Variants in KCNQ1 observed in about 807,000 individuals in gnomAD.
KCNQ1 encodes the protein potassium voltage-gated channel subfamily Q member 1, also known as potassium voltage-gated channel subfamily KQT member 1.
KCNQ1 carries 49 observed loss-of-function variants against 72.4 expected under a neutral mutation model. That is an observed-to-expected ratio of 0.68 (90% CI 0.54 to 0.86). The LOEUF is 0.86. Ranked by LOEUF, KCNQ1 falls within the 40% of genes least tolerant of loss-of-function variation. KCNQ1 has a pLI of 0.00. For synonymous variants in KCNQ1, 450 were observed against 412.6 expected (o/e 1.09, Z -1.10); for missense variants, 790 against 945.1 (o/e 0.84, Z 2.15).
At position 2,479,064 on chromosome 11, in the gene KCNQ1, G is replaced by GC. The variant is rs60502601; in HGVS notation, c.386+33581dup. 0.095 allele frequency among the ~76,000 whole-genome samples: 14,457 copies of GC among 152,258 alleles called. 901 individuals are homozygous for GC. Among genetic ancestry groups the GC allele is most frequent in the East Asian group, 0.24 (1,256 of 5,162 alleles). ...TGTCTCACATCTAGGTCATGCTGAT[G>GC]CAAGAGGTGGGTTCCCATAGTCTTG... On this transcript the variant is annotated intron_variant, in intron 1 of 15. Coordinates refer to ENST00000155840, the MANE Select transcript of KCNQ1 (RefSeq NM_000218.3). This position sits in a 1 kb window ranked among gnomAD's most constrained non-coding sequence, Gnocchi z 4.6.
At chr11:2,529,148 G>A (rs17741518) in intron 2 of KCNQ1, among the ~76,000 whole-genome samples, 563 of 152,282 alleles carry the variant, frequency 3.7e-3, no homozygotes, top group Middle Eastern at 6.8e-3. Context: ...TGGAGGGGCC[G>A]TCTTCTCTGT....
chr11:2,514,093 C>A (rs1847250557), intron 1 of KCNQ1, among the ~76,000 whole-genome samples: 1 of 152,222 alleles, frequency 6.6e-6, no homozygotes. Flanking sequence ...ACCTGAGCTG[C>A]CCTCAGCTCC....
intron 11 of KCNQ1, among the ~76,000 whole-genome samples, chr11:2,761,995 C>T (rs547410444): frequency 2.5e-4 from 38 of 152,346 alleles, no homozygotes; most frequent in South Asian, 4.1e-4. Context: ...GATGTGGGGC[C>T]GCATCCAGAC....
In KCNQ1 at chr11:2,720,066, G is replaced by T. The variant is rs1464564749; in HGVS notation, c.1515-48778G>T. Among the ~76,000 whole-genome samples the T allele has an allele frequency of 6.6e-6, 1 of 152,194 alleles. No individual in the cohort carries two copies. The highest frequency in any genetic ancestry group is 1.9e-4 in the East Asian group (1 of 5,194). ...CCAAAACAAGTCCCTTACTGTCCGT[G>T]TCCCTCCATGCCAGCTCACTGGAGG... On this transcript the variant is annotated intron_variant, in intron 11 of 15. Transcript: ENST00000155840. The surrounding 1 kb of genome is among the most constrained non-coding windows in gnomAD (Gnocchi z 5.1).
At chr11:2,635,106 A>C (rs1849437631) in intron 10 of KCNQ1, 1 of 152,182 alleles carries the variant, frequency 6.6e-6, no homozygotes, top group South Asian at 2.1e-4. Flanking sequence ...AGTAGATTGC[A>C]AAAAATTTCT....
At chr11:2,535,085 C>T (rs941095546) in intron 2 of KCNQ1, among the ~76,000 whole-genome samples, 1 of 152,262 alleles carries the variant, frequency 6.6e-6, no homozygotes, top group African/African-American at 2.4e-5. Flanking sequence ...GACTTCAGGT[C>T]ACTGCCCCAT....
At chr11:2,754,059 C>T (rs1355729475) in intron 11 of KCNQ1, among the ~76,000 whole-genome samples, 2 of 152,242 alleles carry the variant, frequency 1.3e-5, no homozygotes, top group African/African-American at 4.8e-5. Context: ...CACAGGAACA[C>T]ATGCACATGA....
rs1263410569 is a variant in KCNQ1, at chr11:2,754,525, GACAATTAGCCCATTA to G, written c.1515-14318_1515-14304del. Among the ~76,000 whole-genome samples the G allele has an allele frequency of 5.6e-3, 846 of 152,362 alleles. 4 individuals are homozygous for G. Among genetic ancestry groups the G allele is most frequent in the African/African-American group, 0.019 (803 of 41,584 alleles). ...ATGTTGCAGTGTAGGCACAAGGGTA[GACAATTAGCCCATTA>G]TCCCAGTGGACAAGACAGAGAGCCC... On this transcript the variant is annotated intron_variant, in intron 11 of 15. Transcript: ENST00000155840.
Position 2,563,406 on chromosome 11 carries a change from G to A in KCNQ1, c.478-7222G>A, listed in dbSNP as rs905627803. Among the ~76,000 whole-genome samples, 2 of 152,118 alleles carry A rather than the reference G, an allele frequency of 1.3e-5. No homozygotes were observed. The highest frequency in any genetic ancestry group is 2.4e-5 in the African/African-American group (1 of 41,402). Reference sequence around the variant, plus strand: ...AGACCCTTGCTGGCCCTCCGGCTTCGGGCAGGTCTCCTCTTTATGCCACTG... The same window carrying A: ...AGACCCTTGCTGGCCCTCCGGCTTCAGGCAGGTCTCCTCTTTATGCCACTG... On this transcript the variant is annotated intron_variant, in intron 2 of 15. Coordinates refer to ENST00000155840, the MANE Select transcript of KCNQ1 (RefSeq NM_000218.3). This position sits in a 1 kb window ranked among gnomAD's most constrained non-coding sequence, Gnocchi z 7.4.
intron 15 of KCNQ1, among the ~76,000 whole-genome samples, chr11:2,798,627 A>T (rs1414225587): frequency 6.6e-6 from 1 of 152,146 alleles, no homozygotes; most frequent in Non-Finnish European, 1.5e-5. Flanking sequence ...TTTCGTGTAA[A>T]CAACAGCTTG....
At chr11:2,574,728 G>A (rs546532349) in intron 6 of KCNQ1, among the ~76,000 whole-genome samples, 30 of 152,216 alleles carry the variant, frequency 2.0e-4, no homozygotes, top group East Asian at 1.9e-4. Context: ...GGCTCCTGAC[G>A]TAGGCCAAGT....
chr11:2,590,782 A>C (rs1232388872), intron 10 of KCNQ1, among the ~76,000 whole-genome samples: 1 of 152,140 alleles, frequency 6.6e-6, no homozygotes, highest in Non-Finnish European at 1.5e-5. Context: ...GCCCCATGGG[A>C]GGGCTCCATG....
intron 4 of KCNQ1, among the ~76,000 whole-genome samples, chr11:2,571,769 G>A (rs1200424957): frequency 6.6e-6 from 1 of 152,198 alleles, no homozygotes; most frequent in Non-Finnish European, 1.5e-5. Flanking sequence ...GGAATCTGGA[G>A]GTACCTGGCC....
At chr11:2,551,171 A>G (rs1847977591) in intron 2 of KCNQ1, among the ~76,000 whole-genome samples, 1 of 152,168 alleles carries the variant, frequency 6.6e-6, no homozygotes, top group Admixed American at 6.5e-5. Context: ...GTCCAGTTCG[A>G]TGAGTCCTGG....
intron 11 of KCNQ1, among the ~76,000 whole-genome samples, chr11:2,755,443 G>A (rs181733056): frequency 3.5e-4 from 53 of 152,270 alleles, no homozygotes; most frequent in Non-Finnish European, 5.7e-4. Context: ...TGTAGAGGTG[G>A]AGTCTCTCTA....
chr11:2,674,579 G>A lies in KCNQ1; in HGVS notation c.1514+12498G>A, dbSNP rs1288249918. On this transcript the variant is annotated intron_variant, in intron 11 of 15. Transcript: ENST00000155840. The surrounding 1 kb of genome is among the most constrained non-coding windows in gnomAD (Gnocchi z 5.9). ...GAGTGAGTGAATCTGAAGCATGCTA[G>A]TTGTGTTGCCTTTTAAATAGGCTCT... 1 of 398,532 alleles carries A rather than the reference G, an allele frequency of 2.5e-6. No homozygotes were observed. The highest frequency in any genetic ancestry group is 3.6e-5 in the East Asian group (1 of 28,078). The allele number at this position is 398,532 out of a possible 1,614,324, so 24.7% of individuals were successfully genotyped here.
At position 2,847,825 on chromosome 11, in the gene KCNQ1, C is replaced by T. The variant is rs1379277195; in HGVS notation, c.1853C>T (p.Ser618Phe). ...LITDMLHQLL[S>F]LHGGSTPGSG... ...ACCGACATGCTTCACCAGCTGCTCTCCTTGCACGGTGGCAGCACCCCCGGC... is the reference window on the plus strand; with the variant it reads ...ACCGACATGCTTCACCAGCTGCTCTTCTTGCACGGTGGCAGCACCCCCGGC... Residue 618 changes from serine to phenylalanine, a missense_variant, in exon 16 of 16, where the codon TCC becomes TTC. By Grantham distance (155) the Ser-to-Phe change is radical. This residue lies in a region of KCNQ1 where 94 missense variants were observed against 85.2 expected (regional missense o/e 1.10). Coordinates refer to ENST00000155840, the MANE Select transcript of KCNQ1 (RefSeq NM_000218.3). The T allele has an allele frequency of 6.4e-7, 1 of 1,568,494 alleles. No homozygotes were observed. The highest frequency in any genetic ancestry group is 1.4e-5 in the African/African-American group (1 of 73,946).
At chr11:2,545,058 C>T (rs1847886731) in intron 2 of KCNQ1, among the ~76,000 whole-genome samples, 1 of 152,194 alleles carries the variant, frequency 6.6e-6, no homozygotes, top group Non-Finnish European at 1.5e-5. Flanking sequence ...TGATCATGTG[C>T]TTTCTCTACT....
rs1268889100 is a variant in KCNQ1, at chr11:2,759,609, T to A, written c.1515-9235T>A. On this transcript the variant is annotated intron_variant, in intron 11 of 15. Transcript: ENST00000155840. This position sits in a 1 kb window ranked among gnomAD's most constrained non-coding sequence, Gnocchi z 4.4. Reference sequence around the variant, plus strand: ...GGAAGGAAGGGAGCGAGCTCTTATTTCCTTATTTTCTTTCCATCTCCACTC... The same window carrying A: ...GGAAGGAAGGGAGCGAGCTCTTATTACCTTATTTTCTTTCCATCTCCACTC... 2.0e-5 allele frequency among the ~76,000 whole-genome samples: 3 copies of A among 152,190 alleles called. No homozygotes were observed. The highest frequency in any genetic ancestry group is 4.4e-5 in the Non-Finnish European group (3 of 68,032).
Sources: gnomAD v4.1 joint callset for allele counts (sites outside exome capture counted in the v4.1 genomes callset) on GRCh38, gnomAD v4.1.1 for gene constraint, gnomAD v4.1.1 regional missense constraint, Gnocchi (gnomAD v3.1) non-coding constraint, MANE v1.5 for transcripts, NCBI Gene and HGNC (gene_info 2026-07-23, HGNC 2026-07-21) for gene names.